MASP1: variants seen among roughly 807,000 people sequenced by gnomAD.
MASP1 encodes MBL associated serine protease 1, also known as mannan-binding lectin serine protease 1.
In MASP1, 59 loss-of-function variants were observed where a neutral mutation model predicts 77.1. That is an observed-to-expected ratio of 0.77 (90% CI 0.62 to 0.95). The LOEUF (loss-of-function observed/expected upper bound fraction) is 0.95, where lower values mean the gene tolerates loss of function less well. Ranked by LOEUF, MASP1 falls within the 40% of genes least tolerant of loss-of-function variation. The pLI, the probability that MASP1 is intolerant of heterozygous loss-of-function variation, is 0.00. For missense variants in MASP1, 885 were observed against 912.9 expected (o/e 0.97, Z 0.39); for synonymous variants, 362 against 354.5 (o/e 1.02, Z -0.24).
At chr3:187,251,583 C>G (rs779408474) in intron 7 of MASP1, 51 bp downstream of exon 7, 43 of 1,501,538 alleles carry the variant, frequency 2.9e-5, no homozygotes, top group Non-Finnish European at 3.6e-5. Context: ...GGGCAGGTTT[C>G]GAGAGTTTCT....
At chr3:187,273,660 G>C (rs1240905533) in intron 2 of MASP1, among the ~76,000 whole-genome samples, 2 of 152,122 alleles carry the variant, frequency 1.3e-5, no homozygotes, top group Non-Finnish European at 2.9e-5. Flanking sequence ...ACTTCACCAG[G>C]TAGCTTTAAT....
At chr3:187,277,537 C>G (rs757769162) in intron 2 of MASP1, among the ~76,000 whole-genome samples, 1 of 152,130 alleles carries the variant, frequency 6.6e-6, no homozygotes, top group Non-Finnish European at 1.5e-5. Context: ...ATGAAATCAT[C>G]TTGACAAATA....
Position 187,235,745 on chromosome 3 carries a change from T to A in MASP1, c.2126A>T (p.Asp709Val). The A allele has an allele frequency of 6.2e-7, 1 of 1,614,120 alleles. No homozygotes were observed. The highest frequency in any genetic ancestry group is 8.5e-7 in the Non-Finnish European group (1 of 1,180,016). ...GVYTKVSNYV[D>V]WVWEQMGLPQ... The stretch of plus-strand genomic sequence containing the variant: ...TAAGCCCATCTGCTCCCACACCCAG[T>A]CCACGTAATTGGAGACCTTTGTGTA... Residue 709 changes from aspartate (D) to valine (V), a missense_variant, in exon 11 of 11, where the codon GAC becomes GTC. Transcript: ENST00000296280.
chr3:187,227,990 G>C (rs1712534663), intron 11 of MASP1, among the ~76,000 whole-genome samples: 1 of 152,192 alleles, frequency 6.6e-6, no homozygotes, highest in Non-Finnish European at 1.5e-5. Context: ...TGACAGGAGG[G>C]AGACAGAAAT....
chr3:187,243,695 A>C, intron 8 of MASP1, 74 bp from the exon 9 acceptor site: 7 of 1,544,802 alleles, frequency 4.5e-6, no homozygotes, highest in African/African-American at 2.7e-5. Flanking sequence ...GATCTATCTC[A>C]TGCAGATGTA....
chr3:187,235,910 T>C lies in MASP1; in HGVS notation c.1961A>G (p.Glu654Gly). ...TCCAAGGCACGTGTCTTTGCCGCCC[T>C]CGTAGTAGCCAGCACAGAACATGTT... ...TENMFCAGYYEGGKDTCLGDS... is the reference protein window; with the variant it reads ...TENMFCAGYYGGGKDTCLGDS... Residue 654 changes from glutamate (E) to glycine (G), a missense_variant, in exon 11 of 11, where the codon GAG becomes GGG. Glu to Gly is a moderately conservative substitution (Grantham distance 98). Transcript: ENST00000296280. 6.2e-7 allele frequency: 1 copy of C among 1,614,194 alleles called. No homozygotes were observed. Among genetic ancestry groups the C allele is most frequent in the Non-Finnish European group, 8.5e-7 (1 of 1,180,042 alleles).
At chr3:187,273,496 AT>A (rs1434457937) in intron 2 of MASP1, among the ~76,000 whole-genome samples, 1 of 152,064 alleles carries the variant, frequency 6.6e-6, no homozygotes. Context: ...GCTTCAAAAG[AT>A]TTTCCTAGAT....
chr3:187,280,387 G>A (rs965197464), intron 2 of MASP1, among the ~76,000 whole-genome samples: 1 of 152,204 alleles, frequency 6.6e-6, no homozygotes, highest in Admixed American at 6.5e-5. Context: ...CAATCCAAAT[G>A]CAGATGATTT....
chr3:187,255,983 C>T (rs1435352026), intron 5 of MASP1, among the ~76,000 whole-genome samples: 1 of 152,154 alleles, frequency 6.6e-6, no homozygotes, highest in Admixed American at 6.5e-5. Flanking sequence ...TGGCTGATCA[C>T]TCTATAAGAA....
chr3:187,260,754 G>C lies in MASP1; in HGVS notation c.534C>G (p.Asn178Lys), dbSNP rs372330604. The change falls in exon 4 of 11, where the codon AAC (asparagine) becomes AAG (lysine). Residue 178 changes from asparagine to lysine, a missense_variant. By Grantham distance (94) the Asn-to-Lys change is moderately conservative (BLOSUM62 0). Transcript: ENST00000296280. The stretch of plus-strand genomic sequence containing the variant: ...GGTAGGCTCTACCTCGGCAGGTCCT[G>C]TTGTCTGTGTGGAGGATGTAGCCGA... ...CRFGYILHTD[N>K]RTCRVECSDN... 1 of 1,614,054 alleles carries C rather than the reference G, an allele frequency of 6.2e-7. No individual in the cohort carries two copies. Among genetic ancestry groups the C allele is most frequent in the African/African-American group, 1.3e-5 (1 of 74,926 alleles).
rs1012631933 is a variant in MASP1, at chr3:187,220,925, GC to G, written c.1909+109del. 3.2e-5 allele frequency: 26 copies of G among 810,322 alleles called. No individual in the cohort carries two copies. The Admixed American group carries it at 4.7e-4, about 15-fold the overall frequency. 50.2% of individuals were successfully genotyped at this position (810,322 alleles called of 1,614,324 possible). A position where few individuals can be genotyped will look rare whatever the true frequency, so the allele number is the denominator to read the frequency against. ...CCACGGCCTTCCTCCAGTCCCCCGC[GC>G]CCCCACACTGCCAGCCCACCAGGTT... On this transcript the variant is annotated intron_variant, in intron 15 of 15. Transcript: ENST00000337774.
chr3:187,241,631 T>C (rs1363244138), intron 9 of MASP1, 76 bp from the exon 10 acceptor site: 1 of 988,210 alleles, frequency 1.0e-6, no homozygotes, highest in African/African-American at 1.6e-5. Context: ...GATCTGGGTA[T>C]TTAATTTCTC....
rs201073458 is a variant in MASP1, at chr3:187,243,632, A to C, written c.1091-11T>G. The stretch of plus-strand genomic sequence containing the variant: ...CTCTACAGTCTACAACTGAGAGAGA[A>C]GAAGTGAGACCCCTCAACTGCCTTT... On this transcript the variant is annotated splice_polypyrimidine_tract_variant and intron_variant, in intron 8 of 10. Coordinates refer to ENST00000296280, the MANE Select transcript of MASP1 (RefSeq NM_139125.4). 1 of 1,614,122 alleles carries C rather than the reference A, an allele frequency of 6.2e-7. No homozygotes were observed. Among genetic ancestry groups the C allele is most frequent in the Non-Finnish European group, 8.5e-7 (1 of 1,180,032 alleles).
intron 13 of MASP1, among the ~76,000 whole-genome samples, chr3:187,223,977 T>C (rs1024908608): frequency 2.0e-5 from 3 of 152,188 alleles, no homozygotes; most frequent in African/African-American, 7.2e-5. Context: ...GTAAATAAGT[T>C]AATGAACATA....
intron 2 of MASP1, among the ~76,000 whole-genome samples, chr3:187,265,071 G>A (rs1052073276): frequency 2.0e-5 from 3 of 152,044 alleles, no homozygotes; most frequent in Non-Finnish European, 2.9e-5. Flanking sequence ...TCCAGACATA[G>A]CAGTCATCAT....
chr3:187,281,536 G>A (rs941236885), intron 2 of MASP1, among the ~76,000 whole-genome samples: 1 of 152,192 alleles, frequency 6.6e-6, no homozygotes, highest in Non-Finnish European at 1.5e-5. Context: ...AACAGTGTTG[G>A]CATGATATGT....
chr3:187,244,224 G>C, intron 8 of MASP1: 1 of 160,676 alleles, frequency 6.2e-6, no homozygotes, highest in Admixed American at 5.7e-5. Context: ...AGGTGGATCA[G>C]CTTTCAGTCT....
chr3:187,255,829 C>A (rs1411291821), intron 5 of MASP1, among the ~76,000 whole-genome samples: 3 of 151,274 alleles, frequency 2.0e-5, no homozygotes, highest in Admixed American at 6.6e-5. Context: ...TATGTTCTAG[C>A]TTCCTTTTTT....
At chr3:187,273,400 A>G (rs769897168) in intron 2 of MASP1, among the ~76,000 whole-genome samples, 59 of 152,248 alleles carry the variant, frequency 3.9e-4, no homozygotes, top group Non-Finnish European at 7.6e-4. Context: ...ATGAAAGACG[A>G]TCAGAGCAAA....
Sources: gnomAD v4.1 joint callset for allele counts (sites outside exome capture counted in the v4.1 genomes callset) on GRCh38, gnomAD v4.1.1 for gene constraint, MANE v1.5 for transcripts, NCBI Gene and HGNC (gene_info 2026-07-23, HGNC 2026-07-21) for gene names.